The following SDK1 variants were observed in gnomAD, a reference collection of about 807,000 sequenced individuals.
SDK1 encodes the protein protein sidekick-1.
A neutral mutation model predicts 245.5 loss-of-function variants in SDK1; 157 were observed. The observed-to-expected ratio is 0.64, with a 90% CI of 0.56 to 0.73. SDK1 has a LOEUF of 0.73. SDK1 is among the 30% of genes least tolerant of loss of function. The pLI is 0.00. For missense variants in SDK1, 3,583 were observed against 3,002.3 expected (o/e 1.19, Z -4.52); for synonymous variants, 1,647 against 1,278.5 (o/e 1.29, Z -6.15).
chr7:3,302,922 A>G (rs1234499593), intron 1 of SDK1, among the ~76,000 whole-genome samples: 1 of 151,972 alleles, frequency 6.6e-6, no homozygotes, highest in Non-Finnish European at 1.5e-5. Flanking sequence ...TCCTGTGAAG[A>G]TGATTTATGT....
intron 1 of SDK1, among the ~76,000 whole-genome samples, chr7:3,423,148 A>G (rs545366920): frequency 8.5e-5 from 13 of 152,358 alleles, no homozygotes; most frequent in Non-Finnish European, 1.8e-4. Flanking sequence ...GAGAAAATAA[A>G]TTGGTTGGTG....
intron 39 of SDK1, among the ~76,000 whole-genome samples, chr7:4,220,987 G>A (rs1209310540): frequency 4.6e-5 from 7 of 150,804 alleles, no homozygotes; most frequent in Non-Finnish European, 7.4e-5. Flanking sequence ...TTTTTGCAAT[G>A]TTGCCCAAAC....
At chr7:4,173,208 G>A (rs2128217148) in intron 32 of SDK1, among the ~76,000 whole-genome samples, 1 of 152,306 alleles carries the variant, frequency 6.6e-6, no homozygotes, top group African/African-American at 2.4e-5. Context: ...GAAGGTTCCT[G>A]TTCCTTATCC....
intron 20 of SDK1, among the ~76,000 whole-genome samples, chr7:4,071,772 C>G (rs1013885960): frequency 9.2e-5 from 14 of 152,192 alleles, no homozygotes; most frequent in Admixed American, 9.2e-4. Context: ...ACCACTGATC[C>G]CAGAAACGGG....
At chr7:3,868,035 T>A (rs1780864344) in intron 5 of SDK1, among the ~76,000 whole-genome samples, 1 of 152,172 alleles carries the variant, frequency 6.6e-6, no homozygotes, top group African/African-American at 2.4e-5. Flanking sequence ...TCATTTTTGT[T>A]TGAATGTTTC....
intron 4 of SDK1, among the ~76,000 whole-genome samples, chr7:3,697,604 T>C (rs1003701828): frequency 6.6e-6 from 1 of 152,192 alleles, no homozygotes; most frequent in South Asian, 2.1e-4. Context: ...TCTTTGACCA[T>C]CTTCATCCCC....
At chr7:3,691,581 C>G (rs1784437080) in intron 4 of SDK1, among the ~76,000 whole-genome samples, 1 of 152,148 alleles carries the variant, frequency 6.6e-6, no homozygotes, top group Non-Finnish European at 1.5e-5. Flanking sequence ...ATGTTTTCTG[C>G]CGGCATGATA....
intron 1 of SDK1, among the ~76,000 whole-genome samples, chr7:3,605,145 A>AACAC (rs3086077): frequency 2.4e-4 from 35 of 147,378 alleles, no homozygotes; most frequent in South Asian, 1.3e-3. Flanking sequence ...AAAAACAAGA[A>AACAC]ACACACACAC....
chr7:3,492,868 TAAGAA>T (rs951082729), intron 1 of SDK1, among the ~76,000 whole-genome samples: 1 of 152,242 alleles, frequency 6.6e-6, no homozygotes, highest in Non-Finnish European at 1.5e-5. Context: ...TTGATAAAGA[TAAGAA>T]AACACTAGGC....
intron 15 of SDK1, among the ~76,000 whole-genome samples, 190 bp from the exon 16 acceptor site, chr7:4,011,905 C>A (rs1292704339): frequency 6.6e-6 from 1 of 152,102 alleles, no homozygotes; most frequent in Non-Finnish European, 1.5e-5. Context: ...AACTGATTTT[C>A]TATTATGTTG....
chr7:4,129,350 C>G (rs112490579), intron 26 of SDK1, among the ~76,000 whole-genome samples: 249 of 22,382 alleles, frequency 0.011, no homozygotes, highest in Middle Eastern at 0.025. Flanking sequence ...CCCTGGAGGA[C>G]AGCAGCTTGG....
chr7:4,209,651 C>T (rs1316306359), intron 37 of SDK1, among the ~76,000 whole-genome samples: 7 of 150,988 alleles, frequency 4.6e-5, no homozygotes, highest in African/African-American at 1.2e-4. Flanking sequence ...CACAGAGCTC[C>T]GTCTCTCCGG....
chr7:3,480,406 C>G, intron 1 of SDK1, among the ~76,000 whole-genome samples: 1 of 151,568 alleles, frequency 6.6e-6, no homozygotes, highest in Non-Finnish European at 1.5e-5. Flanking sequence ...AAGCTGCCTG[C>G]CTCCTGCACA....
At chr7:3,713,019 A>G (rs1201506935) in intron 4 of SDK1, among the ~76,000 whole-genome samples, 1 of 152,152 alleles carries the variant, frequency 6.6e-6, no homozygotes, top group South Asian at 2.1e-4. Context: ...TCTTAAGGGG[A>G]TGGGCACCAA....
At position 4,071,600 on chromosome 7, in the gene SDK1, C is replaced by G. The variant is rs151293225; in HGVS notation, c.3010+3664C>G. On this transcript the variant is annotated intron_variant, in intron 20 of 44. Coordinates refer to ENST00000404826, the MANE Select transcript of SDK1 (RefSeq NM_152744.4). ...GGGAGGGCACTATAGACTGCAGGAA[C>G]CTAGTTTAATCTTGCTTTAAACCAT... 3.3e-5 allele frequency among the ~76,000 whole-genome samples: 5 copies of G among 152,276 alleles called. No individual in the cohort carries two copies. In the East Asian group the frequency reaches 9.6e-4, roughly 29 times the overall value.
At chr7:3,653,052 C>T (rs991507381) in intron 4 of SDK1, among the ~76,000 whole-genome samples, 1 of 152,186 alleles carries the variant, frequency 6.6e-6, no homozygotes, top group African/African-American at 2.4e-5. Context: ...GTGGACTTCT[C>T]CCCCACTTGG....
chr7:3,684,350 C>T (rs930199), intron 4 of SDK1, among the ~76,000 whole-genome samples: 4 of 152,110 alleles, frequency 2.6e-5, no homozygotes, highest in Admixed American at 6.5e-5. Context: ...CTCCCCTCCC[C>T]CTTCCTGGTG....
At chr7:3,837,975 T>C (rs1350601788) in intron 5 of SDK1, among the ~76,000 whole-genome samples, 2 of 152,138 alleles carry the variant, frequency 1.3e-5, no homozygotes, top group East Asian at 3.9e-4. Flanking sequence ...AGACTTGGAC[T>C]CCCAGGTCCC....
chr7:4,217,959 A>G (rs1784926048), intron 38 of SDK1, among the ~76,000 whole-genome samples: 1 of 152,216 alleles, frequency 6.6e-6, no homozygotes, highest in South Asian at 2.1e-4. Context: ...GAATCACTTT[A>G]CATTGGACAG....
Sources: gnomAD v4.1 joint callset for allele counts (sites outside exome capture counted in the v4.1 genomes callset) on GRCh38, gnomAD v4.1.1 for gene constraint, MANE v1.5 for transcripts, NCBI Gene and HGNC (gene_info 2026-07-23, HGNC 2026-07-21) for gene names.